CRIM1: variants seen among roughly 807,000 people sequenced by gnomAD.
CRIM1 encodes cysteine-rich motor neuron 1 protein.
In CRIM1, 32 loss-of-function variants were observed where a neutral mutation model predicts 116.4. The ratio of observed to expected loss-of-function variants is 0.27; its 90% CI spans 0.21 to 0.37. CRIM1 has a LOEUF of 0.37. CRIM1 is among the 10% of genes least tolerant of loss of function. The probability of loss-of-function intolerance (pLI) is 1.00; values close to 1 mark genes in which losing one functional copy is unlikely to be tolerated. For missense variants in CRIM1, 1,331 were observed against 1,354.8 expected (o/e 0.98, Z 0.28); for synonymous variants, 590 against 509.2 (o/e 1.16, Z -2.13).
At position 36,469,294 on chromosome 2, in the gene CRIM1, G is replaced by A. The variant is rs550424520; in HGVS notation, c.991+4639G>A. Among the ~76,000 whole-genome samples the A allele has an allele frequency of 4.3e-3, 654 of 152,270 alleles. 2 individuals carry two copies. Among genetic ancestry groups the A allele is most frequent in the Admixed American group, 7.2e-3 (110 of 15,298 alleles). On this transcript the variant is annotated intron_variant, in intron 5 of 16. Transcript: ENST00000280527. Reference sequence around the variant, plus strand: ...AAGTAAGTTCAGAGAAAGGGGATCTGAATACAACTTAGCGTGTGTTTTTAG... The same window carrying A: ...AAGTAAGTTCAGAGAAAGGGGATCTAAATACAACTTAGCGTGTGTTTTTAG...
At chr2:36,417,472 C>T (rs796435253) in intron 2 of CRIM1, among the ~76,000 whole-genome samples, 13 of 152,246 alleles carry the variant, frequency 8.5e-5, no homozygotes, top group African/African-American at 2.9e-4. Flanking sequence ...AGATTGTATA[C>T]GTTCAATTTC....
intron 14 of CRIM1, among the ~76,000 whole-genome samples, chr2:36,543,918 A>C (rs1667134335): frequency 6.6e-6 from 1 of 152,164 alleles, no homozygotes; most frequent in Non-Finnish European, 1.5e-5. Context: ...AAGGAGAGGA[A>C]ATGGCCAAGA....
chr2:36,544,377 AATGT>A lies in CRIM1; in HGVS notation c.2630_2633del (p.Tyr877SerfsTer45). 1 of 1,347,112 alleles carries A rather than the reference AATGT, an allele frequency of 7.4e-7. No individual in the cohort carries two copies. Among genetic ancestry groups the A allele is most frequent in the Non-Finnish European group, 9.6e-7 (1 of 1,039,414 alleles). The allele number at this position is 1,347,112 out of a possible 1,614,324, so 83.4% of individuals were successfully genotyped here. A position where few individuals can be genotyped will look rare whatever the true frequency, so the allele number is the denominator to read the frequency against. On this transcript the variant is annotated frameshift_variant and splice_region_variant, in exon 15 of 17. Coordinates refer to ENST00000280527, the MANE Select transcript of CRIM1 (RefSeq NM_016441.3). LOFTEE classifies it high-confidence loss of function. ...AGGAAAAATGTTCCCTTCTTTTAGAAATGTATGTCCCAGAACCAACCAATATACC... is the reference window on the plus strand; with the variant it reads ...AGGAAAAATGTTCCCTTCTTTTAGAAATGTCCCAGAACCAACCAATATACC...
Position 36,482,846 on chromosome 2 carries a change from G to A in CRIM1, c.1372+3152G>A, listed in dbSNP as rs756890125. Among the ~76,000 whole-genome samples the A allele has an allele frequency of 3.9e-5, 6 of 152,256 alleles. No homozygotes were observed. The South Asian group carries it at 1.0e-3, about 26-fold the overall frequency. ...AGCATCACTAAATATGGCGTGTTAG[G>A]ACCTCCAGGGAGGAAGAACCTTATT... On this transcript the variant is annotated intron_variant, in intron 7 of 16. Transcript: ENST00000280527.
intron 10 of CRIM1, among the ~76,000 whole-genome samples, chr2:36,512,646 T>A (rs751270315): frequency 1.3e-5 from 2 of 152,178 alleles, no homozygotes; most frequent in Non-Finnish European, 2.9e-5. Context: ...CTAGCTCTTT[T>A]TACTTCTATC....
Position 36,510,143 on chromosome 2 carries a change from C to A in CRIM1, c.1658+4C>A. 1 of 1,608,508 alleles carries A rather than the reference C, an allele frequency of 6.2e-7. No individual in the cohort carries two copies. The highest frequency in any genetic ancestry group is 8.5e-7 in the Non-Finnish European group (1 of 1,177,766). ...AGTATTGTCCACTTGGATTGCTGTA[C>A]GTATTTGTTAATTCAGAAAAGCTAT... On this transcript the variant is annotated splice_donor_region_variant and intron_variant, in intron 9 of 16. Transcript: ENST00000280527.
At chr2:36,390,623 T>G (rs763382396) in intron 1 of CRIM1, among the ~76,000 whole-genome samples, 1 of 152,136 alleles carries the variant, frequency 6.6e-6, no homozygotes, top group Non-Finnish European at 1.5e-5. Flanking sequence ...CAGGGGCAAG[T>G]GTCTCCAGCC....
At chr2:36,480,017 A>G (rs963500441) in intron 7 of CRIM1, among the ~76,000 whole-genome samples, 1 of 152,244 alleles carries the variant, frequency 6.6e-6, no homozygotes, top group Non-Finnish European at 1.5e-5. Flanking sequence ...ATGAAATTGA[A>G]AATGAGACCG....
chr2:36,425,578 A>G (rs1674387923), intron 2 of CRIM1, among the ~76,000 whole-genome samples: 1 of 152,246 alleles, frequency 6.6e-6, no homozygotes, highest in African/African-American at 2.4e-5. Context: ...TCACAATAAC[A>G]TAATTTGGAA....
chr2:36,548,750 T>G lies in CRIM1; in HGVS notation c.*49T>G, dbSNP rs1048779965. 2 of 1,471,982 alleles carry G rather than the reference T, an allele frequency of 1.4e-6. No individual in the cohort carries two copies. Among genetic ancestry groups the G allele is most frequent in the Non-Finnish European group, 1.8e-6 (2 of 1,091,570 alleles). The allele number at this position is 1,471,982 out of a possible 1,614,324, so 91.2% of individuals were successfully genotyped here. A position where few individuals can be genotyped will look rare whatever the true frequency, so the allele number is the denominator to read the frequency against. On this transcript the variant is annotated 3_prime_UTR_variant, in exon 17 of 17. Transcript: ENST00000280527. Reference sequence around the variant, plus strand: ...TCAAAAGACGGAAGACGACTAAATCTGCTCTAAAAAGTAAACTAGAATTTG... The same window carrying G: ...TCAAAAGACGGAAGACGACTAAATCGGCTCTAAAAAGTAAACTAGAATTTG...
chr2:36,514,316 A>G (rs965514140), intron 11 of CRIM1, among the ~76,000 whole-genome samples: 2 of 152,248 alleles, frequency 1.3e-5, no homozygotes, highest in Non-Finnish European at 2.9e-5. Context: ...TAATCAGGAT[A>G]AGTTACTAGA....
chr2:36,429,950 T>G (rs1224349450), intron 2 of CRIM1, among the ~76,000 whole-genome samples: 1 of 152,124 alleles, frequency 6.6e-6, no homozygotes, highest in East Asian at 1.9e-4. Flanking sequence ...GAGGGAGCAT[T>G]CCCTTCAGAG....
Position 36,547,055 on chromosome 2 carries a change from A to G in CRIM1, c.2818A>G (p.Ile940Val), listed in dbSNP as rs1667400229. The G allele has an allele frequency of 6.2e-7, 1 of 1,612,344 alleles. No homozygotes were observed. Residue 940 changes from isoleucine to valine, a missense_variant, in exon 16 of 17, where the codon ATT becomes GTT. By Grantham distance (29) the Ile-to-Val change is conservative (BLOSUM62 3). Around this residue, in one of 3 missense-constraint regions of CRIM1, gnomAD observed 283 missense variants for 242.8 expected, o/e 1.17. Transcript: ENST00000280527. ...AAGTGAAGATTCTTCACTGGACTCC[A>G]TTGCCTCAGTTGTGGTTCCCATAAT... ...HPSEDSSLDS[I>V]ASVVVPIIIC...
At position 36,548,978 on chromosome 2, in the gene CRIM1, G is replaced by A; in HGVS notation, c.*277G>A. 1 of 215,324 alleles carries A rather than the reference G, an allele frequency of 4.6e-6. No individual in the cohort carries two copies. The highest frequency in any genetic ancestry group is 9.2e-6 in the Non-Finnish European group (1 of 108,734). The allele number at this position is 215,324 out of a possible 1,614,324, so 13.3% of individuals were successfully genotyped here. ...GTAAGATAGCTGTAGAGATATTTGG[G>A]GTGGGGACAGTGAGTTTGGATGGGG... On this transcript the variant is annotated 3_prime_UTR_variant, in exon 17 of 17. Transcript: ENST00000280527.
intron 2 of CRIM1, among the ~76,000 whole-genome samples, chr2:36,431,622 A>G (rs1269597851): frequency 6.6e-6 from 1 of 152,220 alleles, no homozygotes; most frequent in East Asian, 1.9e-4. Context: ...AAAACTCTAT[A>G]GAGTGTTGAC....
chr2:36,515,406 C>G (rs1391882205), intron 11 of CRIM1, among the ~76,000 whole-genome samples: 9 of 152,204 alleles, frequency 5.9e-5, no homozygotes. Flanking sequence ...TATGAAAACA[C>G]ATTTCTGTAG....
At chr2:36,388,718 G>T (rs1671353913) in intron 1 of CRIM1, among the ~76,000 whole-genome samples, 1 of 152,120 alleles carries the variant, frequency 6.6e-6, no homozygotes, top group Non-Finnish European at 1.5e-5. Context: ...TGTGAAGTAG[G>T]AGAGTTGTGT....
chr2:36,411,695 T>TA (rs1331510812), intron 2 of CRIM1, among the ~76,000 whole-genome samples: 2 of 150,590 alleles, frequency 1.3e-5, no homozygotes, highest in Non-Finnish European at 3.0e-5. Flanking sequence ...TACAGTTACC[T>TA]GTGTGCTATT....
chr2:36,481,037 A>G (rs1425666351), intron 7 of CRIM1, among the ~76,000 whole-genome samples: 1 of 152,220 alleles, frequency 6.6e-6, no homozygotes, highest in East Asian at 1.9e-4. Context: ...ATATTTAATT[A>G]CGAATATTTG....
Sources: allele counts gnomAD v4.1 joint callset (sites outside exome capture counted in the v4.1 genomes callset), GRCh38; gene constraint gnomAD v4.1.1; regional missense constraint gnomAD v4.1.1; transcripts MANE v1.5; gene names NCBI Gene and HGNC (gene_info 2026-07-23, HGNC 2026-07-21).